The following MARCHF11 variants were observed in gnomAD, a reference collection of about 807,000 sequenced individuals.
The protein encoded by MARCHF11 is membrane associated ring-CH-type finger 11.
MARCHF11 carries 29 observed loss-of-function variants against 37.3 expected under a neutral mutation model. The ratio of observed to expected loss-of-function variants is 0.78; its 90% CI spans 0.58 to 1.06. The LOEUF (loss-of-function observed/expected upper bound fraction) is 1.06, where lower values mean the gene tolerates loss of function less well. Ranked by LOEUF, MARCHF11 falls within the 50% of genes least tolerant of loss-of-function variation. MARCHF11 has a pLI of 0.00. For missense variants in MARCHF11, 482 were observed against 533.4 expected (o/e 0.90, Z 0.95); for synonymous variants, 233 against 228.0 (o/e 1.02, Z -0.20).
At chr5:16,147,581 C>T (rs1057244094) in intron 2 of MARCHF11, among the ~76,000 whole-genome samples, 1 of 152,112 alleles carries the variant, frequency 6.6e-6, no homozygotes, top group Non-Finnish European at 1.5e-5. Context: ...TTGGCTACCT[C>T]ATCTCCTCTA....
chr5:16,121,450 G>A (rs996906918), intron 2 of MARCHF11, among the ~76,000 whole-genome samples: 11 of 152,016 alleles, frequency 7.2e-5, no homozygotes, highest in Non-Finnish European at 1.0e-4. Flanking sequence ...TACTCGTTAC[G>A]TAAACAAGTA....
At chr5:16,171,313 T>C (rs187914300) in intron 2 of MARCHF11, among the ~76,000 whole-genome samples, 1 of 146,776 alleles carries the variant, frequency 6.8e-6, no homozygotes, top group African/African-American at 2.5e-5. Flanking sequence ...AAGTTTATAA[T>C]AAGTTCATTC....
chr5:16,162,677 CT>C (rs1187291677), intron 2 of MARCHF11, among the ~76,000 whole-genome samples: 1 of 151,330 alleles, frequency 6.6e-6, no homozygotes, highest in Admixed American at 6.6e-5. Context: ...GAGATTTTGT[CT>C]TTTTTGTTTA....
At chr5:16,177,626 T>G in intron 2 of MARCHF11, 100 bp downstream of exon 2, 1 of 1,021,446 alleles carries the variant, frequency 9.8e-7, no homozygotes, top group South Asian at 3.7e-5. Context: ...CACAAAATGT[T>G]TTTAAGTAGC....
At chr5:16,110,997 G>A (rs542931679) in intron 2 of MARCHF11, among the ~76,000 whole-genome samples, 13 of 152,230 alleles carry the variant, frequency 8.5e-5, no homozygotes, top group African/African-American at 2.9e-4. Flanking sequence ...CTTTCACTTG[G>A]TTCTCATTCT....
rs568280102 is a variant in MARCHF11 at position 16,087,607 on chromosome 5, C to G, written c.886+3282G>C. Among the ~76,000 whole-genome samples the G allele has an allele frequency of 4.6e-5, 7 of 152,188 alleles. No homozygotes were observed. In the South Asian group the frequency reaches 1.5e-3, roughly 32 times the overall value. ...AGCTGCTGTCAATAGAATTGGATGC[C>G]ACAGATACAGAATATTTTCATCCTT... On this transcript the variant is annotated intron_variant, in intron 3 of 3. Coordinates refer to ENST00000332432, the MANE Select transcript of MARCHF11 (RefSeq NM_001102562.3).
chr5:16,068,449 G>C (rs1201542433), intron 3 of MARCHF11, among the ~76,000 whole-genome samples: 2 of 152,204 alleles, frequency 1.3e-5, no homozygotes, highest in African/African-American at 2.4e-5. Context: ...AAGCCTTGGG[G>C]ATGTTCAGAA....
At chr5:16,131,759 T>A (rs185075441) in intron 2 of MARCHF11, among the ~76,000 whole-genome samples, 34 of 152,340 alleles carry the variant, frequency 2.2e-4, no homozygotes, top group African/African-American at 7.9e-4. Flanking sequence ...GATGGACAGC[T>A]TAAATGGAAA....
chr5:16,175,472 AGACT>A (rs1738340824), intron 2 of MARCHF11, among the ~76,000 whole-genome samples: 1 of 152,232 alleles, frequency 6.6e-6, no homozygotes, highest in Non-Finnish European at 1.5e-5. Context: ...ACCCTGGGCC[AGACT>A]GACTAAGTCT....
chr5:16,094,836 T>A (rs2126559446), intron 2 of MARCHF11, among the ~76,000 whole-genome samples: 1 of 152,326 alleles, frequency 6.6e-6, no homozygotes, highest in East Asian at 1.9e-4. Context: ...TTATAGCTTC[T>A]ATTTGTACAG....
intron 3 of MARCHF11, among the ~76,000 whole-genome samples, chr5:16,083,949 G>T (rs1361320583): frequency 6.6e-6 from 1 of 152,180 alleles, no homozygotes; most frequent in Non-Finnish European, 1.5e-5. Flanking sequence ...AAACTTATTT[G>T]TGATCACAGA....
In MARCHF11 at chr5:16,153,834, T is replaced by C. The variant is rs73044679; in HGVS notation, c.693+23892A>G. 8.5e-3 allele frequency among the ~76,000 whole-genome samples: 1,290 copies of C among 152,106 alleles called. 25 individuals carry two copies. The highest frequency in any genetic ancestry group is 0.029 in the African/African-American group (1,215 of 41,530). On this transcript the variant is annotated intron_variant, in intron 2 of 3. Transcript: ENST00000332432. ...AGGTTGTGGTCCATGCTATGTAATC[T>C]GAAGTGCTGTCTGCAACTTCTGAGA...
chr5:16,087,658 G>T (rs1736720515), intron 3 of MARCHF11, among the ~76,000 whole-genome samples: 1 of 152,116 alleles, frequency 6.6e-6, no homozygotes, highest in South Asian at 2.1e-4. Context: ...GAATAGCCCT[G>T]ATCTAGATGT....
intron 2 of MARCHF11, among the ~76,000 whole-genome samples, chr5:16,144,834 T>A (rs1737774285): frequency 6.6e-6 from 1 of 152,184 alleles, no homozygotes; most frequent in Non-Finnish European, 1.5e-5. Flanking sequence ...AGTAGGAACG[T>A]GGGGATAGCT....
At chr5:16,087,202 A>G (rs184352051) in intron 3 of MARCHF11, among the ~76,000 whole-genome samples, 1 of 152,370 alleles carries the variant, frequency 6.6e-6, no homozygotes, top group African/African-American at 2.4e-5. Flanking sequence ...CAGATTGAAA[A>G]TTAAATTCAC....
intron 2 of MARCHF11, among the ~76,000 whole-genome samples, chr5:16,100,113 A>G (rs1736931058): frequency 6.6e-6 from 1 of 152,174 alleles, no homozygotes; most frequent in South Asian, 2.1e-4. Context: ...TTCCTGGGAT[A>G]AGTGTCCAAG....
intron 2 of MARCHF11, among the ~76,000 whole-genome samples, chr5:16,132,164 G>T (rs1737528372): frequency 6.6e-6 from 1 of 152,224 alleles, no homozygotes; most frequent in Admixed American, 6.5e-5. Flanking sequence ...TTACTGCCAT[G>T]TTCAGAGCCA....
At chr5:16,171,458 G>A (rs947045766) in intron 2 of MARCHF11, among the ~76,000 whole-genome samples, 32 of 152,006 alleles carry the variant, frequency 2.1e-4, no homozygotes, top group East Asian at 1.4e-3. Context: ...AACCCAGCTC[G>A]CTACCTGTTT....
chr5:16,067,803 G>C lies in MARCHF11; in HGVS notation c.887-10C>G. On this transcript the variant is annotated splice_polypyrimidine_tract_variant and intron_variant, in intron 3 of 3. Coordinates refer to ENST00000332432, the MANE Select transcript of MARCHF11 (RefSeq NM_001102562.3). ...TCATGAACAATGAGACCTAAAATTT[G>C]AGAAAATAAAAAACCAAAAAGACTG... The C allele has an allele frequency of 6.3e-7, 1 of 1,593,604 alleles. No individual in the cohort carries two copies. Among genetic ancestry groups the C allele is most frequent in the South Asian group, 1.1e-5 (1 of 88,802 alleles).
Sources: gnomAD v4.1 joint callset for allele counts (sites outside exome capture counted in the v4.1 genomes callset) on GRCh38, gnomAD v4.1.1 for gene constraint, MANE v1.5 for transcripts, NCBI Gene and HGNC (gene_info 2026-07-23, HGNC 2026-07-21) for gene names.